The following ADAMTS12 variants were observed in gnomAD, a reference collection of about 807,000 sequenced individuals.
The protein encoded by ADAMTS12 is ADAM metallopeptidase with thrombospondin type 1 motif 12.
In ADAMTS12, 118 loss-of-function variants were observed where a neutral mutation model predicts 167.8. The observed-to-expected ratio is 0.70, with a 90% CI of 0.61 to 0.82. The LOEUF (loss-of-function observed/expected upper bound fraction) is 0.82, where lower values mean the gene tolerates loss of function less well. ADAMTS12 is among the 40% of genes least tolerant of loss of function. The pLI, the probability that ADAMTS12 is intolerant of heterozygous loss-of-function variation, is 0.00. For missense variants in ADAMTS12, 1,916 were observed against 1,998.8 expected (o/e 0.96, Z 0.79); for synonymous variants, 704 against 716.9 (o/e 0.98, Z 0.29).
At chr5:33,807,363 G>C (rs1747275595) in intron 2 of ADAMTS12, among the ~76,000 whole-genome samples, 1 of 152,206 alleles carries the variant, frequency 6.6e-6, no homozygotes, top group South Asian at 2.1e-4. Flanking sequence ...TCCAGAATCA[G>C]ACAGACTCAG....
intron 2 of ADAMTS12, chr5:33,840,422 A>G (rs1161990766): frequency 6.6e-6 from 1 of 152,216 alleles, no homozygotes; most frequent in South Asian, 2.1e-4. Flanking sequence ...AGACCTCAGG[A>G]TGAAGAACCT....
intron 2 of ADAMTS12, among the ~76,000 whole-genome samples, chr5:33,821,811 C>G (rs1467141842): frequency 6.6e-6 from 1 of 152,206 alleles, no homozygotes; most frequent in Admixed American, 6.5e-5. Flanking sequence ...TACCCAACAT[C>G]ACCCTTTCAA....
chr5:33,653,185 G>A (rs890097053), intron 7 of ADAMTS12, among the ~76,000 whole-genome samples: 1 of 152,062 alleles, frequency 6.6e-6, no homozygotes, highest in Non-Finnish European at 1.5e-5. Flanking sequence ...TTATCAAGTT[G>A]AGGAAATTTC....
In ADAMTS12 at chr5:33,684,019, C is replaced by A. The variant is rs760327428; in HGVS notation, c.671G>T (p.Arg224Leu). ...VNISQKQELW[R>L]EKWERHNLPS... Reference sequence around the variant, plus strand: ...CAAGTTGTGCCTCTCCCACTTCTCCCGCCATAGCTCTTGCTTCTGGGAGAT... The same window carrying A: ...CAAGTTGTGCCTCTCCCACTTCTCCAGCCATAGCTCTTGCTTCTGGGAGAT... The change falls in exon 4 of 24, where the codon CGG becomes CTG. Residue 224 changes from arginine to leucine, a missense_variant. Coordinates refer to ENST00000504830, the MANE Select transcript of ADAMTS12 (RefSeq NM_030955.4). 1.2e-6 allele frequency: 2 copies of A among 1,605,986 alleles called. No individual in the cohort carries two copies. Among genetic ancestry groups the A allele is most frequent in the Admixed American group, 1.7e-5 (1 of 59,216 alleles).
chr5:33,680,370 T>C (rs897171105), intron 5 of ADAMTS12, among the ~76,000 whole-genome samples: 1 of 152,200 alleles, frequency 6.6e-6, no homozygotes. Context: ...TAAAGGGGCC[T>C]GATCCGTGGA....
intron 18 of ADAMTS12, among the ~76,000 whole-genome samples, chr5:33,580,162 G>GA (rs1746989011): frequency 6.6e-6 from 1 of 151,892 alleles, no homozygotes; most frequent in Non-Finnish European, 1.5e-5. Context: ...AGGCAGGAGT[G>GA]AAGAAAAGCT....
At chr5:33,838,728 G>A (rs547609720) in intron 2 of ADAMTS12, among the ~76,000 whole-genome samples, 1 of 152,092 alleles carries the variant, frequency 6.6e-6, no homozygotes, top group Non-Finnish European at 1.5e-5. Context: ...GTGGAGAGAG[G>A]GAGAAGAAAG....
At chr5:33,803,235 A>T (rs1424837006) in intron 2 of ADAMTS12, among the ~76,000 whole-genome samples, 1 of 152,240 alleles carries the variant, frequency 6.6e-6, no homozygotes, top group African/African-American at 2.4e-5. Context: ...AAACCCACAG[A>T]CAAAACTATT....
chr5:33,659,399 C>T (rs1741176517), intron 6 of ADAMTS12, among the ~76,000 whole-genome samples: 4 of 152,160 alleles, frequency 2.6e-5, no homozygotes, highest in African/African-American at 9.7e-5. Context: ...GAGAACCAAT[C>T]AAACACTTTT....
At chr5:33,660,005 A>G (rs945750624) in intron 6 of ADAMTS12, among the ~76,000 whole-genome samples, 2 of 152,200 alleles carry the variant, frequency 1.3e-5, no homozygotes, top group East Asian at 3.9e-4. Context: ...CTGACATCTC[A>G]TGGGTAGAGG....
At chr5:33,783,992 G>C (rs933820762) in intron 2 of ADAMTS12, among the ~76,000 whole-genome samples, 1 of 151,814 alleles carries the variant, frequency 6.6e-6, no homozygotes, top group Non-Finnish European at 1.5e-5. Flanking sequence ...AGCAATATAT[G>C]AAAAAGAGTA....
rs117126888 is a variant in ADAMTS12 at position 33,694,780 on chromosome 5, T to G, written c.635-10725A>C. ...AGACTTGATATGATAAAAAAGAATG[T>G]GAACTCTCACACTAATAAGGTACAT... On this transcript the variant is annotated intron_variant, in intron 3 of 23. Coordinates refer to ENST00000504830, the MANE Select transcript of ADAMTS12 (RefSeq NM_030955.4). Among the ~76,000 whole-genome samples the G allele has an allele frequency of 1.8e-3, 279 of 152,332 alleles. 12 individuals are homozygous for G. The East Asian group carries it at 0.045, about 25-fold the overall frequency.
chr5:33,662,830 C>T (rs564287574), intron 5 of ADAMTS12, among the ~76,000 whole-genome samples: 17 of 152,202 alleles, frequency 1.1e-4, no homozygotes, highest in Non-Finnish European at 1.5e-5. Context: ...ATTACTTTCC[C>T]TTGCCTCATT....
chr5:33,796,006 AG>A (rs919997261), intron 2 of ADAMTS12, among the ~76,000 whole-genome samples: 2 of 152,256 alleles, frequency 1.3e-5, no homozygotes, highest in African/African-American at 4.8e-5. Context: ...TCCATACAAG[AG>A]AAAAAACTCA....
chr5:33,667,737 T>C (rs1256300803), intron 5 of ADAMTS12, among the ~76,000 whole-genome samples: 1 of 152,182 alleles, frequency 6.6e-6, no homozygotes, highest in Non-Finnish European at 1.5e-5. Context: ...AGTAGATAAC[T>C]AAGAATCTCC....
intron 19 of ADAMTS12, among the ~76,000 whole-genome samples, chr5:33,568,640 A>T (rs1318126833): frequency 6.6e-6 from 1 of 152,254 alleles, no homozygotes; most frequent in African/African-American, 2.4e-5. Flanking sequence ...GGAAAAAATA[A>T]GAGACTATGG....
Position 33,624,309 on chromosome 5 carries a change from C to G in ADAMTS12, c.2065G>C (p.Asp689His). The G allele has an allele frequency of 1.9e-6, 3 of 1,614,094 alleles. No homozygotes were observed. Among genetic ancestry groups the G allele is most frequent in the Non-Finnish European group, 2.5e-6 (3 of 1,179,968 alleles). Residue 689 changes from aspartate to histidine, a missense_variant, in exon 14 of 24, where the codon GAT becomes CAT. Physicochemically the swap from Asp to His is moderately conservative, Grantham distance 81 (BLOSUM62 -1). Coordinates refer to ENST00000504830, the MANE Select transcript of ADAMTS12 (RefSeq NM_030955.4). Reference sequence around the variant, plus strand: ...TCTCCCAGGCACACACCGCAGCGATCCTCGGTGGCATTGGAATCGATCTCA... The same window carrying G: ...TCTCCCAGGCACACACCGCAGCGATGCTCGGTGGCATTGGAATCGATCTCA... Reference protein sequence around the residue: ...DYEIDSNATEDRCGVCLGDGS... With the variant: ...DYEIDSNATEHRCGVCLGDGS...
At chr5:33,626,380 G>A (rs1383104689) in intron 13 of ADAMTS12, among the ~76,000 whole-genome samples, 1 of 148,034 alleles carries the variant, frequency 6.8e-6, no homozygotes, top group African/African-American at 2.5e-5. Flanking sequence ...GGTGATGGGG[G>A]TGATGGTAGT....
intron 1 of ADAMTS12, among the ~76,000 whole-genome samples, chr5:33,882,837 C>G (rs1750500608): frequency 6.6e-6 from 1 of 152,120 alleles, no homozygotes; most frequent in Non-Finnish European, 1.5e-5. Context: ...GTGATCCACC[C>G]ACCTTGGCCT....
Sources: allele counts gnomAD v4.1 joint callset (sites outside exome capture counted in the v4.1 genomes callset), GRCh38; gene constraint gnomAD v4.1.1; transcripts MANE v1.5; gene names NCBI Gene and HGNC (gene_info 2026-07-23, HGNC 2026-07-21).